The following MAPRE3 variants were observed in gnomAD, a reference collection of about 807,000 sequenced individuals.
The protein encoded by MAPRE3 is microtubule-associated protein RP/EB family member 3.
A neutral mutation model predicts 30.5 loss-of-function variants in MAPRE3; 2 were observed. That is an observed-to-expected ratio of 0.07 (90% CI 0.03 to 0.21). The LOEUF is 0.21. Among genes scored for constraint, MAPRE3 ranks in the 10% least tolerant of loss-of-function variants. The pLI is 1.00. For missense variants in MAPRE3, 204 were observed against 351.8 expected (o/e 0.58, Z 3.36); for synonymous variants, 110 against 127.7 (o/e 0.86, Z 0.93).
At position 26,985,337 on chromosome 2, in the gene MAPRE3, G is replaced by C. The variant is rs1666196188; in HGVS notation, c.-8+14535G>C. Among the ~76,000 whole-genome samples the C allele has an allele frequency of 6.6e-6, 1 of 152,166 alleles. No individual in the cohort carries two copies. Among genetic ancestry groups the C allele is most frequent in the African/African-American group, 2.4e-5 (1 of 41,428 alleles). On this transcript the variant is annotated intron_variant, in intron 1 of 6. Coordinates refer to ENST00000233121, the MANE Select transcript of MAPRE3 (RefSeq NM_012326.4). This position sits in a 1 kb window ranked among gnomAD's most constrained non-coding sequence, Gnocchi z 4.2. ...TCACAATATTCTCATTCCAAATTCT[G>C]TTCTGTGCATCTCATTTCTCCATGT...
chr2:27,026,418 AGTCCTTTCCTAACACGGTCG>A lies in MAPRE3; in HGVS notation c.*72_*91del. On this transcript the variant is annotated 3_prime_UTR_variant, in exon 7 of 7. Transcript: ENST00000233121. ...CCTCCCTGCTCCACTCCCACATTATAGTCCTTTCCTAACACGGTCGGCCGGGTGCTTTGTGTCAGTGCTGC... is the reference window on the plus strand; with the variant it reads ...CCTCCCTGCTCCACTCCCACATTATAGCCGGGTGCTTTGTGTCAGTGCTGC... The A allele has an allele frequency of 7.6e-7, 1 of 1,320,082 alleles. No individual in the cohort carries two copies. Among genetic ancestry groups the A allele is most frequent in the African/African-American group, 1.5e-5 (1 of 68,372 alleles). 81.8% of individuals were successfully genotyped at this position (1,320,082 alleles called of 1,614,324 possible).
rs188253448 is a variant in MAPRE3, at chr2:27,006,338, G to A, written c.-7-15874G>A. ...TAATTCCCATTATTGGGGAGGAAAT[G>A]TAATTTCTTCTTAACCTTCATAAGT... On this transcript the variant is annotated intron_variant, in intron 1 of 6. Transcript: ENST00000233121. Among the ~76,000 whole-genome samples, 566 of 152,348 alleles carry A rather than the reference G, an allele frequency of 3.7e-3. 2 individuals are homozygous for A. The highest frequency in any genetic ancestry group is 9.1e-3 in the Admixed American group (139 of 15,308).
chr2:26,989,905 G>A (rs1441798392), intron 1 of MAPRE3, among the ~76,000 whole-genome samples: 1 of 152,202 alleles, frequency 6.6e-6, no homozygotes, highest in African/African-American at 2.4e-5. Context: ...CCAGCTGTGT[G>A]TGGTAGCTCA....
At chr2:27,004,142 C>T (rs753208950) in intron 1 of MAPRE3, among the ~76,000 whole-genome samples, 33 of 152,168 alleles carry the variant, frequency 2.2e-4, no homozygotes, top group Non-Finnish European at 3.7e-4. Flanking sequence ...AAAGAGAGGC[C>T]GCCTTTGCCC....
chr2:26,994,089 G>T (rs1666404901), intron 1 of MAPRE3, among the ~76,000 whole-genome samples: 1 of 152,126 alleles, frequency 6.6e-6, no homozygotes, highest in South Asian at 2.1e-4. Context: ...TAATAATCTG[G>T]CTGTCTTGAC....
chr2:27,004,204 G>T (rs1666671490), intron 1 of MAPRE3, among the ~76,000 whole-genome samples: 1 of 152,160 alleles, frequency 6.6e-6, no homozygotes, highest in Admixed American at 6.5e-5. Flanking sequence ...GGAGTTGGGT[G>T]CTGTGGAGTC....
rs149613574 is a variant in MAPRE3, at chr2:26,987,362, C to T, written c.-8+16560C>T. Among the ~76,000 whole-genome samples the T allele has an allele frequency of 8.4e-3, 1,273 of 152,236 alleles. 17 individuals are homozygous for T. Among genetic ancestry groups the T allele is most frequent in the African/African-American group, 0.03 (1,237 of 41,546 alleles). On this transcript the variant is annotated intron_variant, in intron 1 of 6. Coordinates refer to ENST00000233121, the MANE Select transcript of MAPRE3 (RefSeq NM_012326.4). The stretch of plus-strand genomic sequence containing the variant: ...GCCTGTTTTGAAAAGTCTGGCTGGG[C>T]GCGGTGGCTCACGCTTTTAATCCCA...
Position 27,026,432 on chromosome 2 carries a change from A to G in MAPRE3, c.*84A>G. The G allele has an allele frequency of 8.4e-7, 1 of 1,185,046 alleles. No homozygotes were observed. The highest frequency in any genetic ancestry group is 1.2e-6 in the Non-Finnish European group (1 of 823,606). 73.4% of individuals were successfully genotyped at this position (1,185,046 alleles called of 1,614,324 possible). Reference sequence around the variant, plus strand: ...TCCCACATTATAGTCCTTTCCTAACACGGTCGGCCGGGTGCTTTGTGTCAG... The same window carrying G: ...TCCCACATTATAGTCCTTTCCTAACGCGGTCGGCCGGGTGCTTTGTGTCAG... On this transcript the variant is annotated 3_prime_UTR_variant, in exon 7 of 7. Coordinates refer to ENST00000233121, the MANE Select transcript of MAPRE3 (RefSeq NM_012326.4).
intron 1 of MAPRE3, among the ~76,000 whole-genome samples, chr2:26,991,945 G>A (rs560878110): frequency 2.6e-5 from 4 of 152,180 alleles, no homozygotes; most frequent in African/African-American, 9.6e-5. Flanking sequence ...GGCCACACGT[G>A]GAAATTGATT....
chr2:26,998,061 T>A (rs927453905), intron 1 of MAPRE3, among the ~76,000 whole-genome samples: 3 of 152,252 alleles, frequency 2.0e-5, no homozygotes, highest in African/African-American at 7.2e-5. Context: ...TTAACTGCTT[T>A]AACTGAAGCA....
At chr2:26,974,961 C>T (rs555583645) in intron 1 of MAPRE3, among the ~76,000 whole-genome samples, 2 of 152,334 alleles carry the variant, frequency 1.3e-5, no homozygotes, top group East Asian at 3.9e-4. Context: ...GCACCCCTCT[C>T]GGTATTTGAC....
chr2:27,019,254 T>C (rs1341116874), intron 1 of MAPRE3, among the ~76,000 whole-genome samples: 1 of 151,756 alleles, frequency 6.6e-6, no homozygotes, highest in Admixed American at 6.6e-5. Context: ...CCCAGGGTGC[T>C]GTAGGATCAT....
chr2:27,021,367 G>A (rs1291617858), intron 1 of MAPRE3, among the ~76,000 whole-genome samples: 1 of 152,126 alleles, frequency 6.6e-6, no homozygotes, highest in Admixed American at 6.5e-5. Flanking sequence ...GGATGACCCC[G>A]CAGGTTTCTA....
intron 1 of MAPRE3, among the ~76,000 whole-genome samples, chr2:26,977,219 G>T (rs527287440): frequency 1.3e-5 from 2 of 152,350 alleles, no homozygotes; most frequent in African/African-American, 4.8e-5. Flanking sequence ...CTTAGTGCTT[G>T]TTGGTGTTTT....
intron 1 of MAPRE3, among the ~76,000 whole-genome samples, chr2:26,992,564 TAA>T (rs1666370079): frequency 6.7e-6 from 1 of 150,310 alleles, no homozygotes; most frequent in Non-Finnish European, 1.5e-5. Context: ...TGACCTATAC[TAA>T]GAGTTTGGAA....
chr2:26,999,258 A>G (rs1405597993), intron 1 of MAPRE3, among the ~76,000 whole-genome samples: 2 of 152,124 alleles, frequency 1.3e-5, no homozygotes, highest in African/African-American at 2.4e-5. Context: ...GTGTTTTTGG[A>G]AAGTTTGTCT....
chr2:27,025,945 T>G lies in MAPRE3; in HGVS notation c.690T>G (p.Leu230=), dbSNP rs759758382. 6.2e-6 allele frequency: 10 copies of G among 1,614,028 alleles called. No individual in the cohort carries two copies. Among genetic ancestry groups the G allele is most frequent in the Non-Finnish European group, 8.5e-6 (10 of 1,180,020 alleles). The change falls in exon 6 of 7, where the codon CTT becomes CTG. Residue 230 remains leucine (L), a synonymous_variant. Transcript: ENST00000233121. ...AACGTGACTTCTACTTCAGCAAACT[T>G]CGTGACATCGAGCTCATCTGCCAGG... ...EKERDFYFSK[L]RDIELICQEH... is the part of the protein sequence containing the mutation.
chr2:26,998,765 T>C (rs1222654264), intron 1 of MAPRE3, among the ~76,000 whole-genome samples: 9 of 152,176 alleles, frequency 5.9e-5, no homozygotes, highest in African/African-American at 1.9e-4. Context: ...CAGGAAAAAC[T>C]TTCCAGGGGA....
At chr2:26,981,760 A>T (rs1274446321) in intron 1 of MAPRE3, among the ~76,000 whole-genome samples, 1 of 152,110 alleles carries the variant, frequency 6.6e-6, no homozygotes, top group East Asian at 1.9e-4. Context: ...CTGTGGTCTC[A>T]GCTTGTCACA....
Sources: gnomAD v4.1 joint callset for allele counts (sites outside exome capture counted in the v4.1 genomes callset) on GRCh38, gnomAD v4.1.1 for gene constraint, Gnocchi (gnomAD v3.1) non-coding constraint, MANE v1.5 for transcripts, NCBI Gene and HGNC (gene_info 2026-07-23, HGNC 2026-07-21) for gene names.